The following PLEKHM2 variants were observed in gnomAD, a reference collection of about 807,000 sequenced individuals.
PLEKHM2 encodes the protein pleckstrin homology domain-containing family M member 2.
Under a neutral mutation model 116.3 loss-of-function variants are expected in PLEKHM2, and 77 were observed. The observed-to-expected ratio is 0.66, with a 90% confidence interval of 0.55 to 0.80. The LOEUF (loss-of-function observed/expected upper bound fraction) is 0.80. Among genes scored for constraint, PLEKHM2 ranks in the 30% least tolerant of loss-of-function variants. The probability of loss-of-function intolerance (pLI) is 0.00; values close to 1 mark genes in which losing one functional copy is unlikely to be tolerated. For synonymous variants in PLEKHM2, 562 were observed against 571.0 expected (o/e 0.98, Z 0.22); for missense variants, 1,183 against 1,354.9 (o/e 0.87, Z 1.99).
chr1:15,733,735 A>G, intron 19 of PLEKHM2, 62 bp from the exon 20 acceptor site: 1 of 1,553,650 alleles, frequency 6.4e-7, no homozygotes, highest in Non-Finnish European at 8.7e-7. Context: ...GGTGCCCACA[A>G]GCCCTGAAGA....
chr1:15,681,817 T>TC (rs1442074424), upstream of PLEKHM2, among the ~76,000 whole-genome samples: 8 of 152,204 alleles, frequency 5.3e-5, no homozygotes, highest in African/African-American at 1.9e-4. Flanking sequence ...GTCTCAACCC[T>TC]CATCTGTTCT....
At chr1:15,707,699 C>CT (rs1209373055) in intron 1 of PLEKHM2, among the ~76,000 whole-genome samples, 1 of 152,288 alleles carries the variant, frequency 6.6e-6, no homozygotes, top group South Asian at 2.1e-4. Flanking sequence ...GCAGCTGCAG[C>CT]TTTTTTTAAA....
At chr1:15,696,258 G>T (rs949968041) in intron 1 of PLEKHM2, among the ~76,000 whole-genome samples, 2 of 152,152 alleles carry the variant, frequency 1.3e-5, no homozygotes, top group Non-Finnish European at 2.9e-5. Context: ...CTTCTCCATG[G>T]TGTTGGTCTT....
At chr1:15,714,673 G>A (rs936286938) in intron 1 of PLEKHM2, among the ~76,000 whole-genome samples, 3 of 152,166 alleles carry the variant, frequency 2.0e-5, no homozygotes, top group African/African-American at 7.2e-5. Context: ...TGTTGGTGTG[G>A]TTGATGTATC....
intron 7 of PLEKHM2, among the ~76,000 whole-genome samples, chr1:15,723,710 G>A (rs1020288370): frequency 9.0e-5 from 13 of 143,852 alleles, no homozygotes; most frequent in African/African-American, 2.3e-4. Flanking sequence ...GCGCCACTGC[G>A]CTCCAGTCCG....
chr1:15,700,764 A>G (rs1013807614), intron 1 of PLEKHM2, among the ~76,000 whole-genome samples: 1 of 152,148 alleles, frequency 6.6e-6, no homozygotes, highest in African/African-American at 2.4e-5. Flanking sequence ...CGCAGAGGAG[A>G]GTCTCTGCAG....
chr1:15,694,782 G>C (rs1352349335), intron 1 of PLEKHM2, among the ~76,000 whole-genome samples: 1 of 149,576 alleles, frequency 6.7e-6, no homozygotes, highest in African/African-American at 2.5e-5. Context: ...TTTTGAGACA[G>C]AGTCTCACTC....
intron 7 of PLEKHM2, chr1:15,722,634 A>G (rs1224075768): frequency 6.6e-6 from 1 of 152,214 alleles, no homozygotes; most frequent in East Asian, 1.9e-4. Context: ...ATCCGTTCCC[A>G]GATAATGTGA....
chr1:15,722,052 A>G (rs2068003296), intron 7 of PLEKHM2, among the ~76,000 whole-genome samples: 1 of 152,258 alleles, frequency 6.6e-6, no homozygotes, highest in Admixed American at 6.5e-5. Context: ...GGTTGCCACG[A>G]TTACTCAAAG....
Position 15,721,842 on chromosome 1 carries a change from G to C in PLEKHM2, c.712+454G>C, listed in dbSNP as rs901829045. 6.6e-6 allele frequency among the ~76,000 whole-genome samples: 1 copy of C among 152,216 alleles called. No individual in the cohort carries two copies. Among genetic ancestry groups the C allele is most frequent in the Non-Finnish European group, 1.5e-5 (1 of 68,044 alleles). ...TCTGTTCCTAATGGCTTCCTCTTGG[G>C]TGTTTTGGAGTGGTTGAGGTCCAAG... On this transcript the variant is annotated intron_variant, in intron 7 of 19. Transcript: ENST00000375799. The surrounding 1 kb of genome is among the most constrained non-coding windows in gnomAD (Gnocchi z 5.1).
rs773215746 is a variant in PLEKHM2 at position 15,718,570 on chromosome 1, C to T, written c.410C>T (p.Thr137Met). 1.1e-5 allele frequency: 18 copies of T among 1,579,178 alleles called. No homozygotes were observed. Among genetic ancestry groups the T allele is most frequent in the East Asian group, 6.9e-5 (3 of 43,378 alleles). ...NALVCSHDHL[T>M]LFLTLVSGLE... Reference sequence around the variant, plus strand: ...CTGGTCTGCAGCCACGATCACCTGACGCTCTTCCTGACCTTGGTGTCCGGG... The same window carrying T: ...CTGGTCTGCAGCCACGATCACCTGATGCTCTTCCTGACCTTGGTGTCCGGG... Residue 137 changes from threonine to methionine, a missense_variant, in exon 5 of 20, where the codon ACG becomes ATG. Coordinates refer to ENST00000375799, the MANE Select transcript of PLEKHM2 (RefSeq NM_015164.4).
intron 1 of PLEKHM2, among the ~76,000 whole-genome samples, chr1:15,684,947 C>T (rs1640738181): frequency 6.6e-6 from 1 of 152,220 alleles, no homozygotes; most frequent in Admixed American, 6.5e-5. Context: ...CCTGAAGGAA[C>T]CCCATGCAGC....
Position 15,725,446 on chromosome 1 carries a change from C to T in PLEKHM2, c.842C>T (p.Ser281Phe). ...AACGAGGAGCCGGCAGAGACTGTGT[C>T]CTCCTCTGACACCACCCCCGTGCAC... is the stretch of plus-strand genomic sequence containing the variant. ...PFNEEPAETV[S>F]SSDTTPVHTT... Residue 281 changes from serine to phenylalanine, a missense_variant, in exon 8 of 20, where the codon TCC becomes TTC. Transcript: ENST00000375799. 1.3e-6 allele frequency: 2 copies of T among 1,569,368 alleles called. No homozygotes were observed. Among genetic ancestry groups the T allele is most frequent in the Non-Finnish European group, 1.7e-6 (2 of 1,158,054 alleles).
chr1:15,731,168 T>C (rs755685579), intron 15 of PLEKHM2, 24 bp from the exon 16 acceptor site: 1 of 1,563,054 alleles, frequency 6.4e-7, no homozygotes, highest in Non-Finnish European at 8.7e-7. Context: ...CAGGCCTCAC[T>C]CGCCCTGTGT....
chr1:15,683,683 G>C (rs1360799540), upstream of PLEKHM2, among the ~76,000 whole-genome samples: 1 of 151,222 alleles, frequency 6.6e-6, no homozygotes, highest in African/African-American at 2.4e-5. Context: ...GAGGAGGGCT[G>C]GGGGCCCAGG....
chr1:15,725,284 G>A, intron 7 of PLEKHM2, 33 bp from the exon 8 acceptor site: 1 of 1,503,070 alleles, frequency 6.7e-7, no homozygotes, highest in Non-Finnish European at 9.1e-7. Flanking sequence ...GGGGGTGCCT[G>A]ACAGGGTGTC....
intron 1 of PLEKHM2, among the ~76,000 whole-genome samples, chr1:15,689,063 A>G (rs1335949847): frequency 6.6e-6 from 1 of 152,046 alleles, no homozygotes; most frequent in Non-Finnish European, 1.5e-5. Context: ...GGCCTGACCA[A>G]CATCGAGAAA....
intron 1 of PLEKHM2, among the ~76,000 whole-genome samples, chr1:15,697,797 A>T (rs1041112296): frequency 1.0e-4 from 15 of 146,708 alleles, no homozygotes. Flanking sequence ...TGCCCAGCTA[A>T]TTTTTTTTTT....
At chr1:15,710,499 T>C (rs1017047625) in intron 1 of PLEKHM2, among the ~76,000 whole-genome samples, 13 of 151,314 alleles carry the variant, frequency 8.6e-5, no homozygotes, top group Admixed American at 6.6e-5. Context: ...AATTTTTGTA[T>C]TTTTTTTAGT....
Sources: allele counts gnomAD v4.1 joint callset (sites outside exome capture counted in the v4.1 genomes callset), GRCh38; gene constraint gnomAD v4.1.1; non-coding constraint Gnocchi (gnomAD v3.1); transcripts MANE v1.5; gene names NCBI Gene and HGNC (gene_info 2026-07-23, HGNC 2026-07-21).